The following SHANK2 variants were observed in gnomAD, a reference collection of about 807,000 sequenced individuals.
The protein encoded by SHANK2 is SH3 and multiple ankyrin repeat domains protein 2.
SHANK2 carries 43 observed loss-of-function variants against 133.7 expected under a neutral mutation model. That is an observed-to-expected ratio of 0.32 (90% CI 0.25 to 0.41). SHANK2 has a LOEUF of 0.41. Among genes scored for constraint, SHANK2 ranks in the 10% least tolerant of loss-of-function variants. The pLI is 1.00. For missense variants in SHANK2, 1,994 were observed against 2,235.8 expected (o/e 0.89, Z 2.18); for synonymous variants, 1,017 against 952.8 (o/e 1.07, Z -1.24).
chr11:70,772,622 G>C (rs1366360909), intron 14 of SHANK2, among the ~76,000 whole-genome samples: 1 of 152,088 alleles, frequency 6.6e-6, no homozygotes, highest in Non-Finnish European at 1.5e-5. Flanking sequence ...CCTCTGGAAG[G>C]GGTCCCCTCT....
chr11:70,764,097 T>A (rs1049320862), intron 14 of SHANK2, among the ~76,000 whole-genome samples: 40 of 138,874 alleles, frequency 2.9e-4, no homozygotes, highest in Non-Finnish European at 6.0e-4. Context: ...CATCCATCCA[T>A]CCACCCACCC....
At chr11:71,055,834 G>C (rs1274939839) in intron 10 of SHANK2, among the ~76,000 whole-genome samples, 11 of 148,568 alleles carry the variant, frequency 7.4e-5, no homozygotes, top group Admixed American at 7.4e-4. Flanking sequence ...GTTTCCTTTT[G>C]GGAAAGGAAA....
intron 10 of SHANK2, among the ~76,000 whole-genome samples, chr11:70,950,343 A>T (rs1361499055): frequency 1.3e-5 from 2 of 151,966 alleles, no homozygotes; most frequent in African/African-American, 4.8e-5. Context: ...CACCCAGCCC[A>T]TCACACCCAG....
Position 70,707,730 on chromosome 11 carries a change from C to A in SHANK2, c.1778-8967G>T, listed in dbSNP as rs539855415. The stretch of plus-strand genomic sequence containing the variant: ...AATAAATCCTTTCCCCAGCATCCGG[C>A]CTGGGGAAGCCGTCGAGTCACGTTG... On this transcript the variant is annotated intron_variant, in intron 14 of 25. Transcript: ENST00000601538. Among the ~76,000 whole-genome samples the A allele has an allele frequency of 2.0e-5, 3 of 152,302 alleles. No individual in the cohort carries two copies. The South Asian group carries it at 6.2e-4, about 32-fold the overall frequency.
intron 6 of SHANK2, among the ~76,000 whole-genome samples, chr11:71,107,802 G>C (rs1392311224): frequency 6.6e-6 from 1 of 152,176 alleles, no homozygotes; most frequent in Non-Finnish European, 1.5e-5. Context: ...CCTTAAAGTC[G>C]AGACATTAAC....
At chr11:70,927,012 G>T (rs1950437284) in intron 10 of SHANK2, among the ~76,000 whole-genome samples, 1 of 152,050 alleles carries the variant, frequency 6.6e-6, no homozygotes, top group African/African-American at 2.4e-5. Flanking sequence ...CTTAAAACAG[G>T]CAAAAGCCGG....
chr11:71,059,495 T>A (rs1397738329), intron 9 of SHANK2, among the ~76,000 whole-genome samples: 2 of 152,168 alleles, frequency 1.3e-5, no homozygotes, highest in Admixed American at 6.5e-5. Context: ...GTGAATTGCA[T>A]CTCAATAGAG....
chr11:70,909,909 G>A (rs1288400631), intron 10 of SHANK2, among the ~76,000 whole-genome samples: 2 of 152,326 alleles, frequency 1.3e-5, no homozygotes, highest in South Asian at 2.1e-4. Flanking sequence ...AGACCGGGCT[G>A]CTTAAGCCAC....
chr11:70,887,631 G>A (rs1199862980), intron 11 of SHANK2, among the ~76,000 whole-genome samples: 1 of 152,108 alleles, frequency 6.6e-6, no homozygotes, highest in Non-Finnish European at 1.5e-5. Context: ...TTCTGTGTTT[G>A]GGAAACAAAG....
chr11:71,167,672 A>T (rs1197869266), intron 2 of SHANK2, among the ~76,000 whole-genome samples: 1 of 134,740 alleles, frequency 7.4e-6, no homozygotes, highest in Non-Finnish European at 1.6e-5. Flanking sequence ...CGGGGGGCTG[A>T]CCCCTCCACC....
intron 1 of SHANK2, among the ~76,000 whole-genome samples, chr11:71,233,087 G>A (rs1055007815): frequency 5.9e-5 from 9 of 152,050 alleles, no homozygotes; most frequent in African/African-American, 1.9e-4. Context: ...CGAGGTGGGA[G>A]GGTGGCTTGA....
chr11:70,907,343 GA>G (rs1303062368), intron 10 of SHANK2, among the ~76,000 whole-genome samples: 11 of 152,134 alleles, frequency 7.2e-5, no homozygotes, highest in African/African-American at 2.2e-4. Flanking sequence ...GAGTGAAGGG[GA>G]CCCCCTGGGT....
rs373372673 is a variant in SHANK2, at chr11:70,649,181, G to A, written c.2061+10647C>T. ...AACCCCAGCCCTGAGGGTGCTGAAG[G>A]AGGTGCACATGCCCAGGACCGTCCC... On this transcript the variant is annotated intron_variant, in intron 17 of 25. Coordinates refer to ENST00000601538, the MANE Select transcript of SHANK2 (RefSeq NM_012309.5). Among the ~76,000 whole-genome samples, 78 of 152,294 alleles carry A rather than the reference G, an allele frequency of 5.1e-4. 2 individuals are homozygous for A. In the South Asian group the frequency reaches 0.015, roughly 30 times the overall value.
intron 17 of SHANK2, among the ~76,000 whole-genome samples, chr11:70,626,671 C>T (rs923477799): frequency 6.6e-6 from 1 of 152,214 alleles, no homozygotes; most frequent in Admixed American, 6.5e-5. Flanking sequence ...AGACCGATGG[C>T]TCCAGCCCTG....
At chr11:70,757,153 C>T (rs1021916106) in intron 14 of SHANK2, among the ~76,000 whole-genome samples, 1 of 152,206 alleles carries the variant, frequency 6.6e-6, no homozygotes, top group African/African-American at 2.4e-5. Flanking sequence ...TGAGCCCCTG[C>T]CCTGAGCAGG....
rs200859010 is a variant in SHANK2 at position 70,657,488 on chromosome 11, AGAG to A, written c.2061+2337_2061+2339del. Among the ~76,000 whole-genome samples, 1,423 of 152,300 alleles carry A rather than the reference AGAG, an allele frequency of 9.3e-3. 23 individuals are homozygous for A. Among genetic ancestry groups the A allele is most frequent in the African/African-American group, 0.033 (1,354 of 41,566 alleles). On this transcript the variant is annotated intron_variant, in intron 17 of 25. Transcript: ENST00000601538. ...ATGGAATTCTCAGTCTTAAGCCCCT[AGAG>A]GAGAATTTCTGAGTCCCAGAGGCAG...
At chr11:70,837,992 A>AAG (rs1285049993) in intron 11 of SHANK2, among the ~76,000 whole-genome samples, 3 of 150,534 alleles carry the variant, frequency 2.0e-5, no homozygotes, top group Non-Finnish European at 4.4e-5. Context: ...AAAAAAAAAA[A>AAG]AAAAAAAAAG....
At chr11:71,171,743 C>T (rs959049897) in intron 2 of SHANK2, among the ~76,000 whole-genome samples, 1 of 152,212 alleles carries the variant, frequency 6.6e-6, no homozygotes, top group South Asian at 2.1e-4. Context: ...TTACCGGGTT[C>T]CCAGGTGTTC....
chr11:70,709,697 G>A (rs1945737370), intron 14 of SHANK2, among the ~76,000 whole-genome samples: 2 of 152,208 alleles, frequency 1.3e-5, no homozygotes, highest in Admixed American at 1.3e-4. Flanking sequence ...GTGTTGGGCC[G>A]ATGGAGCGTG....
Sources: gnomAD v4.1 joint callset for allele counts (sites outside exome capture counted in the v4.1 genomes callset) on GRCh38, gnomAD v4.1.1 for gene constraint, MANE v1.5 for transcripts, NCBI Gene and HGNC (gene_info 2026-07-23, HGNC 2026-07-21) for gene names.